The following NALF1 variants were observed in gnomAD, a reference collection of about 807,000 sequenced individuals.
The protein encoded by NALF1 is family with sequence similarity 155 member A.
A neutral mutation model predicts 48.4 loss-of-function variants in NALF1; 3 were observed. The observed-to-expected ratio is 0.06, with a 90% CI of 0.03 to 0.16. NALF1 has a LOEUF of 0.16. Among genes scored for constraint, NALF1 ranks in the 10% least tolerant of loss-of-function variants. The pLI is 1.00. For missense variants in NALF1, 526 were observed against 571.5 expected, an observed-to-expected ratio of 0.92 and a Z score of 0.81; for synonymous variants, 262 against 245.7, an observed-to-expected ratio of 1.07 and a Z score of -0.62.
intron 1 of NALF1, among the ~76,000 whole-genome samples, chr13:107,487,096 T>C (rs1191321066): frequency 6.6e-6 from 1 of 152,300 alleles, no homozygotes; most frequent in East Asian, 1.9e-4. Flanking sequence ...CATCATTTGA[T>C]GAGTTCCAGA....
chr13:107,564,511 C>T (rs1312540396), intron 1 of NALF1, among the ~76,000 whole-genome samples: 1 of 152,090 alleles, frequency 6.6e-6, no homozygotes, highest in Non-Finnish European at 1.5e-5. Context: ...TTGCTCATCC[C>T]CAGTGTAATA....
intron 1 of NALF1, among the ~76,000 whole-genome samples, chr13:107,829,304 T>C (rs1879635612): frequency 6.6e-6 from 1 of 152,194 alleles, no homozygotes; most frequent in Non-Finnish European, 1.5e-5. Context: ...ATAAAGTTTC[T>C]AACTGCATTG....
At chr13:107,425,758 A>G (rs976517983) in intron 1 of NALF1, among the ~76,000 whole-genome samples, 2 of 152,184 alleles carry the variant, frequency 1.3e-5, no homozygotes, top group African/African-American at 4.8e-5. Flanking sequence ...ATGTCTATGT[A>G]CTAAAATATT....
At chr13:107,591,777 T>C (rs1878609004) in intron 1 of NALF1, among the ~76,000 whole-genome samples, 1 of 152,066 alleles carries the variant, frequency 6.6e-6, no homozygotes, top group African/African-American at 2.4e-5. Flanking sequence ...TCAATTAAAA[T>C]ATTTGGTAAA....
At chr13:107,435,174 C>CA (rs903247067) in intron 1 of NALF1, among the ~76,000 whole-genome samples, 1 of 151,980 alleles carries the variant, frequency 6.6e-6, no homozygotes, top group Admixed American at 6.6e-5. Flanking sequence ...CCCAAAGTGT[C>CA]AAAAAGAGTC....
chr13:107,432,891 G>A (rs1192872288), intron 1 of NALF1, among the ~76,000 whole-genome samples: 5 of 152,060 alleles, frequency 3.3e-5, no homozygotes, highest in African/African-American at 9.7e-5. Flanking sequence ...TATTCATGGT[G>A]GCAAATAACT....
chr13:107,462,546 A>T (rs1418019040), intron 1 of NALF1, among the ~76,000 whole-genome samples: 1 of 152,196 alleles, frequency 6.6e-6, no homozygotes, highest in East Asian at 1.9e-4. Flanking sequence ...GGGTCAACTC[A>T]GCAGGCCCAG....
rs184340112 is a variant in NALF1 at position 107,747,851 on chromosome 13, A to G, written c.915+117831T>C. On this transcript the variant is annotated intron_variant, in intron 1 of 2. Coordinates refer to ENST00000375915, the MANE Select transcript of NALF1 (RefSeq NM_001080396.3). ...CACGCACACATGCACATGCACACGCACAACTTAAGGTAAAATATTTCATAC... is the reference window on the plus strand; with the variant it reads ...CACGCACACATGCACATGCACACGCGCAACTTAAGGTAAAATATTTCATAC... Among the ~76,000 whole-genome samples the G allele has an allele frequency of 3.3e-5, 5 of 152,314 alleles. No homozygotes were observed. The East Asian group carries it at 9.6e-4, about 29-fold the overall frequency.
chr13:107,171,599 C>T (rs1473888557), intron 2 of NALF1, among the ~76,000 whole-genome samples: 2 of 152,208 alleles, frequency 1.3e-5, no homozygotes, highest in African/African-American at 2.4e-5. Context: ...TGATAACACA[C>T]ATTGTTCTTA....
intron 1 of NALF1, among the ~76,000 whole-genome samples, chr13:107,519,816 T>A (rs1876177821): frequency 6.6e-6 from 1 of 152,154 alleles, no homozygotes; most frequent in African/African-American, 2.4e-5. Flanking sequence ...AGAAAAGAAG[T>A]AGCTTGAGAA....
At chr13:107,225,387 C>G (rs1016337690) in intron 1 of NALF1, among the ~76,000 whole-genome samples, 6 of 152,156 alleles carry the variant, frequency 3.9e-5, no homozygotes, top group African/African-American at 1.4e-4. Context: ...CAAGATCTTT[C>G]TGCCTCAGCC....
chr13:107,343,506 A>G lies in NALF1; in HGVS notation c.916-132751T>C, dbSNP rs563152838. ...AAATTCTCTCTCTTTTCCTGCTGCC[A>G]TCTATGTAAGACGTGACTTGCTCCT... On this transcript the variant is annotated intron_variant, in intron 1 of 2. Coordinates refer to ENST00000375915, the MANE Select transcript of NALF1 (RefSeq NM_001080396.3). Among the ~76,000 whole-genome samples, 13 of 152,266 alleles carry G rather than the reference A, an allele frequency of 8.5e-5. No homozygotes were observed. In the East Asian group the frequency reaches 2.5e-3, roughly 29 times the overall value.
intron 1 of NALF1, among the ~76,000 whole-genome samples, chr13:107,254,059 T>TAAAAAAAAAAAAAA (rs1466572812): frequency 7.9e-6 from 1 of 127,024 alleles, no homozygotes; most frequent in Non-Finnish European, 1.7e-5. Context: ...GAGCAAGTAC[T>TAAAAAAAAAAAAAA]AAAATATATA....
chr13:107,438,222 T>C (rs546630057), intron 1 of NALF1, among the ~76,000 whole-genome samples: 2 of 152,310 alleles, frequency 1.3e-5, no homozygotes, highest in South Asian at 4.1e-4. Context: ...AGAAAATTCA[T>C]CTTTGAGAAA....
At chr13:107,398,733 A>G (rs146685047) in intron 1 of NALF1, among the ~76,000 whole-genome samples, 8 of 152,354 alleles carry the variant, frequency 5.3e-5, no homozygotes, top group African/African-American at 1.7e-4. Flanking sequence ...ACTGGTAGAT[A>G]GCTGGAACTG....
At chr13:107,354,407 C>T (rs1882926754) in intron 1 of NALF1, among the ~76,000 whole-genome samples, 1 of 151,960 alleles carries the variant, frequency 6.6e-6, no homozygotes, top group Non-Finnish European at 1.5e-5. Flanking sequence ...AACTGTGTGA[C>T]GGTCAGCCAG....
rs183622744 is a variant in NALF1, at chr13:107,704,587, G to A, written c.915+161095C>T. 8.2e-4 allele frequency among the ~76,000 whole-genome samples: 125 copies of A among 152,160 alleles called. 1 individual carries two copies. The highest frequency in any genetic ancestry group is 1.5e-3 in the South Asian group (7 of 4,822). The stretch of plus-strand genomic sequence containing the variant: ...GTTTATTTTGAGCCAGTTTTATACA[G>A]TGTGGATTCTAACACTCCAGTCTCA... On this transcript the variant is annotated intron_variant, in intron 1 of 2. Transcript: ENST00000375915.
intron 1 of NALF1, among the ~76,000 whole-genome samples, chr13:107,517,427 G>A (rs1254730379): frequency 6.6e-5 from 10 of 151,350 alleles, no homozygotes; most frequent in African/African-American, 2.2e-4. Context: ...TCAGGAGATC[G>A]AGACCATCCT....
At chr13:107,340,094 A>G (rs1882639129) in intron 1 of NALF1, among the ~76,000 whole-genome samples, 1 of 151,892 alleles carries the variant, frequency 6.6e-6, no homozygotes, top group Admixed American at 6.6e-5. Flanking sequence ...TGTAGGATTT[A>G]TCTGTGTCTC....
Sources: gnomAD v4.1 joint callset for allele counts (sites outside exome capture counted in the v4.1 genomes callset) on GRCh38, gnomAD v4.1.1 for gene constraint, MANE v1.5 for transcripts, NCBI Gene and HGNC (gene_info 2026-07-23, HGNC 2026-07-21) for gene names.